Variants in PTPRQ observed in about 807,000 individuals in gnomAD.
PTPRQ encodes phosphatidylinositol phosphatase PTPRQ.
In PTPRQ, 199 loss-of-function variants were observed where a neutral mutation model predicts 246.0. The observed-to-expected ratio is 0.81, with a 90% CI of 0.72 to 0.91. The LOEUF is 0.91. PTPRQ is among the 40% of genes least tolerant of loss of function. The pLI is 0.00. For synonymous variants in PTPRQ, 869 were observed against 853.2 expected (o/e 1.02, Z -0.32); for missense variants, 2,624 against 2,528.4 (o/e 1.04, Z -0.81).
At chr12:80,540,207 A>G (rs954526960) in intron 20 of PTPRQ, among the ~76,000 whole-genome samples, 4 of 152,078 alleles carry the variant, frequency 2.6e-5, no homozygotes, top group African/African-American at 9.6e-5. Flanking sequence ...TTATGGGCAC[A>G]AAAAGTACTG....
intron 25 of PTPRQ, among the ~76,000 whole-genome samples, chr12:80,571,467 A>C (rs1897144884): frequency 6.6e-6 from 1 of 152,172 alleles, no homozygotes; most frequent in African/African-American, 2.4e-5. Flanking sequence ...TATGTATAAC[A>C]AATATTATGT....
chr12:80,477,115 T>C (rs1282514587), intron 8 of PTPRQ, among the ~76,000 whole-genome samples: 1 of 152,232 alleles, frequency 6.6e-6, no homozygotes, highest in African/African-American at 2.4e-5. Flanking sequence ...AAGTTCTTGG[T>C]ACTTTATTTT....
chr12:80,500,729 C>T (rs7973265), intron 14 of PTPRQ, among the ~76,000 whole-genome samples: 45,363 of 151,516 alleles, frequency 0.3, 8,084 homozygotes, highest in African/African-American at 0.5. Context: ...TTTATGGGTT[C>T]CATATTATGT....
In PTPRQ at chr12:80,585,493, TA is replaced by T. The variant is rs560540018; in HGVS notation, c.4286-2635del. 9.9e-5 allele frequency among the ~76,000 whole-genome samples: 15 copies of T among 152,264 alleles called. No homozygotes were observed. The East Asian group carries it at 2.3e-3, about 24-fold the overall frequency. On this transcript the variant is annotated intron_variant, in intron 25 of 44. Transcript: ENST00000644991. Reference sequence around the variant, plus strand: ...TTTAGTCTGTTCTCAACACAGTAGCTAGAGTGATTCTGTGAAAGAGAGAGCC... The same window carrying T: ...TTTAGTCTGTTCTCAACACAGTAGCTGAGTGATTCTGTGAAAGAGAGAGCC...
intron 10 of PTPRQ, 83 bp from the exon 11 acceptor site, chr12:80,494,850 G>T (rs1354478741): frequency 2.1e-6 from 3 of 1,413,928 alleles, no homozygotes; most frequent in Admixed American, 5.8e-5. Flanking sequence ...TCAGGTTTAA[G>T]ATTTTATAGT....
intron 30 of PTPRQ, among the ~76,000 whole-genome samples, chr12:80,618,397 C>T (rs1898848601): frequency 6.6e-6 from 1 of 150,470 alleles, no homozygotes; most frequent in South Asian, 2.1e-4. Context: ...CACACACACA[C>T]ACACACAGTG....
At chr12:80,481,641 A>C (rs1209880274) in intron 8 of PTPRQ, among the ~76,000 whole-genome samples, 10 of 152,120 alleles carry the variant, frequency 6.6e-5, no homozygotes, top group Admixed American at 1.3e-4. Context: ...GTCTCAGCCC[A>C]AAATCTCCTT....
At chr12:80,505,489 C>G (rs1894927628) in intron 14 of PTPRQ, among the ~76,000 whole-genome samples, 1 of 151,736 alleles carries the variant, frequency 6.6e-6, no homozygotes, top group South Asian at 2.1e-4. Flanking sequence ...ATAATGTATT[C>G]AGTATAAAAA....
At chr12:80,637,988 C>A (rs1423470969) in intron 35 of PTPRQ, among the ~76,000 whole-genome samples, 1 of 152,160 alleles carries the variant, frequency 6.6e-6, no homozygotes, top group Non-Finnish European at 1.5e-5. Flanking sequence ...AGCTAATAGG[C>A]TGGGCATAGT....
intron 34 of PTPRQ, among the ~76,000 whole-genome samples, chr12:80,633,696 C>T (rs890458017): frequency 1.3e-5 from 2 of 152,060 alleles, no homozygotes; most frequent in Non-Finnish European, 2.9e-5. Context: ...TTCTCTATAC[C>T]ACATAACTAT....
At chr12:80,619,611 A>G in intron 31 of PTPRQ, 69 bp downstream of exon 31, 1 of 1,292,916 alleles carries the variant, frequency 7.7e-7, no homozygotes, top group Non-Finnish European at 9.9e-7. Context: ...AAAAGAATTT[A>G]GTTCAAATTA....
chr12:80,497,216 A>G (rs1183962065), intron 14 of PTPRQ, among the ~76,000 whole-genome samples: 2 of 151,930 alleles, frequency 1.3e-5, no homozygotes, highest in African/African-American at 4.8e-5. Flanking sequence ...ACCATAATGC[A>G]GAATCAATGG....
chr12:80,546,907 T>C (rs1390973768), intron 24 of PTPRQ: 2 of 481,122 alleles, frequency 4.2e-6, no homozygotes, highest in African/African-American at 2.0e-5. Context: ...GTTTTTCCTT[T>C]TGAACAGAGG....
At position 80,445,514 on chromosome 12, in the gene PTPRQ, GC is replaced by G. The variant is rs773511370; in HGVS notation, c.189del (p.Glu65LysfsTer95). ...VTKPGPPVFL[A>X]GERVGSAGIL... ...AGAACCAGGGCCTCCAGTCTTCCTA[GC>G]CGGGGAAAGAGTCGGATCTGCTGGG... is the stretch of plus-strand genomic sequence containing the variant. On this transcript the variant is annotated frameshift_variant, in exon 3 of 45. Transcript: ENST00000644991. LOFTEE classifies it high-confidence loss of function. The G allele has an allele frequency of 3.2e-6, 5 of 1,545,524 alleles. No homozygotes were observed. In the South Asian group the frequency reaches 6.0e-5, roughly 19 times the overall value.
chr12:80,544,952 T>A, intron 23 of PTPRQ, among the ~76,000 whole-genome samples: 1 of 152,144 alleles, frequency 6.6e-6, no homozygotes, highest in East Asian at 1.9e-4. Flanking sequence ...AAAGAAATTA[T>A]TTATTTAGTA....
At chr12:80,446,226 G>GTTT (rs530783702) in intron 3 of PTPRQ, among the ~76,000 whole-genome samples, 91 of 142,798 alleles carry the variant, frequency 6.4e-4, no homozygotes, top group Middle Eastern at 3.5e-3. Flanking sequence ...GGGAGCTCAA[G>GTTT]TTTTTTTTTT....
chr12:80,621,342 CAG>C (rs1898979793), intron 32 of PTPRQ, among the ~76,000 whole-genome samples: 3 of 151,830 alleles, frequency 2.0e-5, no homozygotes, highest in African/African-American at 7.2e-5. Context: ...GTTCCTGAAA[CAG>C]ACTCTTCATA....
chr12:80,669,219 G>A lies in PTPRQ; in HGVS notation c.6327+78G>A, dbSNP rs1900887283. On this transcript the variant is annotated intron_variant, in intron 40 of 44. Transcript: ENST00000644991. ...ATGTGTGAATATTTCATCTAATACT[G>A]TGAGTCATCAATAACCTGGACATCT... 3 of 1,529,024 alleles carry A rather than the reference G, an allele frequency of 2.0e-6. No homozygotes were observed. The Admixed American group carries it at 6.4e-5, about 33-fold the overall frequency. The allele number at this position is 1,529,024 out of a possible 1,614,324, so 94.7% of individuals were successfully genotyped here. A position where few individuals can be genotyped will look rare whatever the true frequency, so the allele number is the denominator to read the frequency against.
chr12:80,614,761 TG>T (rs1435527276), intron 29 of PTPRQ, among the ~76,000 whole-genome samples: 1 of 149,852 alleles, frequency 6.7e-6, no homozygotes, highest in Admixed American at 6.6e-5. Flanking sequence ...TTATCAAATC[TG>T]AGCCCAGTTT....
Sources: gnomAD v4.1 joint callset for allele counts (sites outside exome capture counted in the v4.1 genomes callset) on GRCh38, gnomAD v4.1.1 for gene constraint, MANE v1.5 for transcripts, NCBI Gene and HGNC (gene_info 2026-07-23, HGNC 2026-07-21) for gene names.